The following FBXO34 variants were observed in gnomAD, a reference collection of about 807,000 sequenced individuals.
The protein encoded by FBXO34 is F-box protein 34, also known as F-box only protein 34.
In FBXO34, 12 loss-of-function variants were observed where a neutral mutation model predicts 24.5. That is an observed-to-expected ratio of 0.49 (90% CI 0.31 to 0.79). The LOEUF is 0.79. Among genes scored for constraint, FBXO34 ranks in the 30% least tolerant of loss-of-function variants. The pLI is 0.04. For missense variants in FBXO34, 823 were observed against 857.7 expected, an observed-to-expected ratio of 0.96 and a Z score of 0.51; for synonymous variants, 320 against 311.9, an observed-to-expected ratio of 1.03 and a Z score of -0.27.
intron 1 of FBXO34, among the ~76,000 whole-genome samples, chr14:55,275,933 G>A (rs1302545633): frequency 1.3e-5 from 2 of 150,960 alleles, no homozygotes; most frequent in African/African-American, 4.9e-5. Flanking sequence ...AAAGAATAGG[G>A]AATAGCTTAT....
chr14:55,280,133 A>G (rs1881482642), intron 1 of FBXO34, among the ~76,000 whole-genome samples: 1 of 152,214 alleles, frequency 6.6e-6, no homozygotes, highest in Non-Finnish European at 1.5e-5. Flanking sequence ...ATGTATGTAA[A>G]ATATATTAGT....
chr14:55,317,002 G>A (rs1231743113), intron 1 of FBXO34, among the ~76,000 whole-genome samples: 2 of 152,138 alleles, frequency 1.3e-5, no homozygotes, highest in Non-Finnish European at 2.9e-5. Context: ...GCTTCACTGG[G>A]GGATGATCTG....
chr14:55,339,667 A>G (rs965099292), intron 1 of FBXO34, among the ~76,000 whole-genome samples: 1 of 152,180 alleles, frequency 6.6e-6, no homozygotes, highest in Non-Finnish European at 1.5e-5. Flanking sequence ...TTTATTTCTC[A>G]CAGTACCTCT....
rs566706455 is a variant in FBXO34, at chr14:55,308,514, A to C, written c.-11+36977A>C. Among the ~76,000 whole-genome samples the C allele has an allele frequency of 1.3e-5, 2 of 152,316 alleles. 1 individual carries two copies. The highest frequency in any genetic ancestry group is 4.8e-5 in the African/African-American group (2 of 41,550). ...TAGTCGGGTTAATTATCTTTATTTT[A>C]CAGATGATGAAACTGAGGTGCACAC... On this transcript the variant is annotated intron_variant, in intron 1 of 1. Transcript: ENST00000313833.
At chr14:55,371,688 C>G (rs889481351), downstream of FBXO34, among the ~76,000 whole-genome samples, 1 of 152,110 alleles carries the variant, frequency 6.6e-6, no homozygotes, top group Non-Finnish European at 1.5e-5. Flanking sequence ...CCTGTAGTCC[C>G]GGCTACTCAG....
the FBXO34 span, chr14:55,413,626 T>C: frequency 7.0e-6 from 3 of 426,078 alleles, no homozygotes; most frequent in African/African-American, 4.2e-5. Context: ...AGTGCTTGTC[T>C]GGGTGGAGCA....
At chr14:55,380,855 G>GTATA in the FBXO34 span, among the ~76,000 whole-genome samples, 17 of 118,066 alleles carry the variant, frequency 1.4e-4, no homozygotes, top group East Asian at 4.5e-4. Context: ...TTCTTTGTGT[G>GTATA]TATATATATA....
the FBXO34 span, among the ~76,000 whole-genome samples, chr14:55,386,601 A>T: frequency 6.6e-6 from 1 of 152,246 alleles, no homozygotes; most frequent in Non-Finnish European, 1.5e-5. Flanking sequence ...GAAAAGTCAC[A>T]GTGGAGTGTG....
the FBXO34 span, chr14:55,386,212 C>T: frequency 1.2e-6 from 1 of 846,428 alleles, no homozygotes; most frequent in Non-Finnish European, 1.8e-6. Context: ...AAAGCAAAAC[C>T]TGAATAATAT....
At chr14:55,350,021 C>T (rs1884292499) in intron 1 of FBXO34, among the ~76,000 whole-genome samples, 1 of 151,934 alleles carries the variant, frequency 6.6e-6, no homozygotes, top group South Asian at 2.1e-4. Context: ...TTTATACTTT[C>T]CTTTCTTCTG....
intron 1 of FBXO34, among the ~76,000 whole-genome samples, chr14:55,302,324 G>C (rs887701586): frequency 6.6e-6 from 1 of 152,144 alleles, no homozygotes; most frequent in African/African-American, 2.4e-5. Flanking sequence ...ATTTGGACCT[G>C]GGATAATTGT....
chr14:55,328,790 G>T (rs1304402042), intron 1 of FBXO34, among the ~76,000 whole-genome samples: 1 of 152,160 alleles, frequency 6.6e-6, no homozygotes, highest in African/African-American at 2.4e-5. Flanking sequence ...GTGCCCTGGG[G>T]TATTGCAGTG....
At chr14:55,341,925 C>A (rs1407018674) in intron 1 of FBXO34, among the ~76,000 whole-genome samples, 1 of 152,198 alleles carries the variant, frequency 6.6e-6, no homozygotes, top group Non-Finnish European at 1.5e-5. Context: ...GAAGTTCTTT[C>A]CTCCAGGCCC....
chr14:55,357,163 A>G (rs1884534689), downstream of FBXO34, among the ~76,000 whole-genome samples: 1 of 152,234 alleles, frequency 6.6e-6, no homozygotes, highest in Non-Finnish European at 1.5e-5. Context: ...ACCCTTGGGT[A>G]ACATCCAGTG....
chr14:55,399,554 C>T, the FBXO34 span, among the ~76,000 whole-genome samples: 10 of 152,340 alleles, frequency 6.6e-5, no homozygotes, highest in African/African-American at 2.4e-4. Flanking sequence ...CTCCAGAATA[C>T]TAAGAAATCT....
chr14:55,422,560 A>G, the FBXO34 span, among the ~76,000 whole-genome samples: 257 of 152,220 alleles, frequency 1.7e-3, no homozygotes, highest in Middle Eastern at 3.4e-3. Flanking sequence ...TAAAATAGCA[A>G]CTTTCTGTAG....
chr14:55,362,601 G>T (rs555556624), downstream of FBXO34, among the ~76,000 whole-genome samples: 2 of 152,208 alleles, frequency 1.3e-5, no homozygotes, highest in East Asian at 3.8e-4. Flanking sequence ...GCCAGTACCA[G>T]TGGCCCCTGA....
At chr14:55,364,543 G>T (rs1338816579), downstream of FBXO34, among the ~76,000 whole-genome samples, 1 of 151,938 alleles carries the variant, frequency 6.6e-6, no homozygotes, top group Non-Finnish European at 1.5e-5. Context: ...TCCCGCCTCA[G>T]CCTCTTGAGT....
At chr14:55,391,345 G>A in the FBXO34 span, 4 of 171,532 alleles carry the variant, frequency 2.3e-5, no homozygotes, top group African/African-American at 4.8e-5. Context: ...GCGTGGTGGC[G>A]CATGCCTGTA....
Sources: gnomAD v4.1 joint callset for allele counts (sites outside exome capture counted in the v4.1 genomes callset) on GRCh38, gnomAD v4.1.1 for gene constraint, MANE v1.5 for transcripts, NCBI Gene and HGNC (gene_info 2026-07-23, HGNC 2026-07-21) for gene names.